The following RCAN1 variants were observed in gnomAD, a reference collection of about 807,000 sequenced individuals.
RCAN1 encodes the protein regulator of calcineurin 1.
Under a neutral mutation model 22.9 loss-of-function variants are expected in RCAN1, and 11 were observed. That is an observed-to-expected ratio of 0.48 (90% CI 0.30 to 0.79). The LOEUF is 0.79. Among genes scored for constraint, RCAN1 ranks in the 30% least tolerant of loss-of-function variants. The pLI is 0.06. For synonymous variants in RCAN1, 136 were observed against 142.3 expected (o/e 0.96, Z 0.32); for missense variants, 291 against 337.8 (o/e 0.86, Z 1.09).
At chr21:34,532,996 T>A (rs867245933) in intron 1 of RCAN1, among the ~76,000 whole-genome samples, 2 of 148,442 alleles carry the variant, frequency 1.3e-5, no homozygotes, top group Non-Finnish European at 1.5e-5. Context: ...AGTCTTGCTC[T>A]GTCGCCCAGG....
At chr21:34,526,772 G>A (rs371611653) in intron 1 of RCAN1, 86 of 1,604,712 alleles carry the variant, frequency 5.4e-5, no homozygotes, top group Non-Finnish European at 6.6e-5. Context: ...CAGTGAAAGC[G>A]CTACAGACCC....
rs1984564813 is a variant in RCAN1 at position 34,521,647 on chromosome 21, T to C, written c.438A>G (p.Ile146Met). 4.3e-6 allele frequency: 7 copies of C among 1,611,706 alleles called. No individual in the cohort carries two copies. Among genetic ancestry groups the C allele is most frequent in the Non-Finnish European group, 5.9e-6 (7 of 1,178,768 alleles). The stretch of plus-strand genomic sequence containing the variant: ...TTGGCGGAGCCAGGTGTGAGCTTCC[T>C]ATGTGTAAGGTCTGAGGAGAGAAAA... ...MKLYFAQTLH[I>M]GSSHLAPPNP... The change falls in exon 3 of 4, where the codon ATA becomes ATG. Residue 146 changes from isoleucine (I) to methionine (M), a missense_variant. By Grantham distance (10) the Ile-to-Met change is conservative. Coordinates refer to ENST00000313806, the MANE Select transcript of RCAN1 (RefSeq NM_004414.7).
intron 1 of RCAN1, among the ~76,000 whole-genome samples, chr21:34,545,832 C>A (rs1478063023): frequency 1.3e-5 from 2 of 152,128 alleles, no homozygotes; most frequent in Non-Finnish European, 2.9e-5. Context: ...GAATAATGAC[C>A]CCAGGCCCTA....
At chr21:34,606,595 G>A (rs1240556021) in intron 1 of RCAN1, among the ~76,000 whole-genome samples, 3 of 152,180 alleles carry the variant, frequency 2.0e-5, no homozygotes, top group African/African-American at 7.2e-5. Context: ...CATCCCCCAA[G>A]TCCAAATGCA....
At chr21:34,568,848 C>A (rs1987127722) in intron 1 of RCAN1, among the ~76,000 whole-genome samples, 1 of 152,070 alleles carries the variant, frequency 6.6e-6, no homozygotes, top group South Asian at 2.1e-4. Flanking sequence ...AAAGATATAC[C>A]CAAGACTGGG....
At chr21:34,572,880 T>C (rs1987280880) in intron 1 of RCAN1, among the ~76,000 whole-genome samples, 1 of 152,168 alleles carries the variant, frequency 6.6e-6, no homozygotes, top group African/African-American at 2.4e-5. Flanking sequence ...GGAGATGCTA[T>C]ACACTCTTAA....
chr21:34,557,468 G>A (rs551051999), intron 1 of RCAN1, among the ~76,000 whole-genome samples: 2 of 152,250 alleles, frequency 1.3e-5, no homozygotes, highest in East Asian at 1.9e-4. Flanking sequence ...CTCAAGTCGG[G>A]GAATGAGTCA....
chr21:34,567,365 C>T (rs541594619), intron 1 of RCAN1, among the ~76,000 whole-genome samples: 8 of 151,946 alleles, frequency 5.3e-5, no homozygotes, highest in Admixed American at 2.6e-4. Flanking sequence ...GCGTGGGGGG[C>T]ACATGCCTGT....
intron 1 of RCAN1, among the ~76,000 whole-genome samples, chr21:34,550,663 C>A (rs185502305): frequency 6.6e-6 from 1 of 152,260 alleles, no homozygotes; most frequent in African/African-American, 2.4e-5. Flanking sequence ...GCCACCCAGT[C>A]TGTAGTATTC....
intron 1 of RCAN1, among the ~76,000 whole-genome samples, chr21:34,593,353 G>C (rs1299402959): frequency 6.6e-6 from 1 of 152,206 alleles, no homozygotes; most frequent in Admixed American, 6.5e-5. Flanking sequence ...AGGCACAACT[G>C]TTCTCACCAT....
intron 1 of RCAN1, among the ~76,000 whole-genome samples, chr21:34,592,841 C>T (rs1313110183): frequency 6.6e-6 from 1 of 152,170 alleles, no homozygotes; most frequent in Non-Finnish European, 1.5e-5. Flanking sequence ...TCTACAACTA[C>T]AGGAAAACCT....
intron 1 of RCAN1, among the ~76,000 whole-genome samples, chr21:34,576,088 T>C (rs74627794): frequency 0.013 from 2,020 of 152,212 alleles, 47 homozygotes; most frequent in East Asian, 0.092. Context: ...GGAAAGCTTG[T>C]GGAAAATTTT....
chr21:34,595,954 C>T (rs1988137697), intron 1 of RCAN1, among the ~76,000 whole-genome samples: 1 of 152,234 alleles, frequency 6.6e-6, no homozygotes, highest in Admixed American at 6.5e-5. Flanking sequence ...ATAAGCCTGC[C>T]TCAAGGATTC....
chr21:34,602,380 C>G (rs951405294), intron 1 of RCAN1, among the ~76,000 whole-genome samples: 3 of 152,194 alleles, frequency 2.0e-5, no homozygotes, highest in Non-Finnish European at 4.4e-5. Flanking sequence ...CCCCATTTCA[C>G]CCTGTGTCTA....
At chr21:34,532,998 T>G (rs530485763) in intron 1 of RCAN1, among the ~76,000 whole-genome samples, 4 of 151,166 alleles carry the variant, frequency 2.6e-5, no homozygotes, top group Non-Finnish European at 5.9e-5. Flanking sequence ...TCTTGCTCTG[T>G]CGCCCAGGCT....
intron 1 of RCAN1, among the ~76,000 whole-genome samples, chr21:34,535,902 GA>G (rs5843669): frequency 0.37 from 53,689 of 143,174 alleles, 10,853 homozygotes; most frequent in African/African-American, 0.56. Context: ...CAAGTATAAA[GA>G]AAAAAAAAAG....
chr21:34,553,499 G>A (rs1442238949), intron 1 of RCAN1, among the ~76,000 whole-genome samples: 3 of 152,086 alleles, frequency 2.0e-5, no homozygotes, highest in African/African-American at 4.8e-5. Flanking sequence ...ATTCCATACC[G>A]TAGTTTTCCA....
chr21:34,591,069 G>A lies in RCAN1; in HGVS notation c.252+23691C>T, dbSNP rs8133527. On this transcript the variant is annotated intron_variant, in intron 1 of 3. Transcript: ENST00000313806. ...ACACACAAAAATTATTTTCCTCGTG[G>A]AGGGCATGGAATCAAGACAGATCCC... is the stretch of plus-strand genomic sequence containing the variant. 7.5e-3 allele frequency among the ~76,000 whole-genome samples: 1,148 copies of A among 152,298 alleles called. 17 individuals carry two copies. The highest frequency in any genetic ancestry group is 0.025 in the African/African-American group (1,054 of 41,552).
At chr21:34,539,442 A>C (rs1985824936) in intron 1 of RCAN1, among the ~76,000 whole-genome samples, 1 of 152,238 alleles carries the variant, frequency 6.6e-6, no homozygotes, top group Non-Finnish European at 1.5e-5. Context: ...TGGTGAAAAG[A>C]AAGAATATGT....
Sources: allele counts gnomAD v4.1 joint callset (sites outside exome capture counted in the v4.1 genomes callset), GRCh38; gene constraint gnomAD v4.1.1; transcripts MANE v1.5; gene names NCBI Gene and HGNC (gene_info 2026-07-23, HGNC 2026-07-21).